Variants in ERBB4 observed in about 807,000 individuals in gnomAD.
ERBB4 encodes the protein erb-b2 receptor tyrosine kinase 4, also known as receptor tyrosine-protein kinase erbB-4.
Under a neutral mutation model 158.0 loss-of-function variants are expected in ERBB4, and 42 were observed. The observed-to-expected ratio is 0.27, with a 90% confidence interval of 0.21 to 0.34. The LOEUF (loss-of-function observed/expected upper bound fraction) is 0.34, where lower values mean the gene tolerates loss of function less well. ERBB4 is among the 10% of genes least tolerant of loss of function. The pLI is 1.00. For synonymous variants in ERBB4, 583 were observed against 558.7 expected (o/e 1.04, Z -0.61); for missense variants, 1,333 against 1,624.1 (o/e 0.82, Z 3.08).
chr2:211,648,914 G>C (rs1384717912), intron 16 of ERBB4, among the ~76,000 whole-genome samples: 1 of 151,782 alleles, frequency 6.6e-6, no homozygotes, highest in East Asian at 1.9e-4. Flanking sequence ...TTAGGAACAG[G>C]TGAAAGTTGT....
chr2:211,814,875 C>T lies in ERBB4; in HGVS notation c.422-26716G>A, dbSNP rs1341129338. On this transcript the variant is annotated intron_variant, in intron 3 of 27. Coordinates refer to ENST00000342788, the MANE Select transcript of ERBB4 (RefSeq NM_005235.3). ...GTTCCAGAGCCTGTGCTTACAGTTG[C>T]TATGGCACAGGACCTTAATTACATA... Among the ~76,000 whole-genome samples, 4 of 152,180 alleles carry T rather than the reference C, an allele frequency of 2.6e-5. No homozygotes were observed. The East Asian group carries it at 5.8e-4, about 22-fold the overall frequency.
intron 1 of ERBB4, among the ~76,000 whole-genome samples, chr2:212,369,165 A>G (rs567680975): frequency 6.6e-6 from 1 of 152,324 alleles, no homozygotes; most frequent in African/African-American, 2.4e-5. Context: ...GCCAAAATTA[A>G]AAGGAGGAAA....
intron 1 of ERBB4, among the ~76,000 whole-genome samples, chr2:212,536,365 G>A (rs1302400529): frequency 6.6e-6 from 1 of 152,134 alleles, no homozygotes; most frequent in East Asian, 1.9e-4. Flanking sequence ...GTTTCCAATG[G>A]ATCACCTTAG....
chr2:212,150,470 T>C (rs867381338), intron 1 of ERBB4, among the ~76,000 whole-genome samples: 1 of 152,180 alleles, frequency 6.6e-6, no homozygotes, highest in Non-Finnish European at 1.5e-5. Context: ...TACTAGAGGT[T>C]AGAACTTCAG....
At chr2:212,336,039 C>T (rs1445793416) in intron 1 of ERBB4, among the ~76,000 whole-genome samples, 1 of 151,936 alleles carries the variant, frequency 6.6e-6, no homozygotes. Flanking sequence ...TGTAGCATTT[C>T]TCACACTGCT....
At chr2:211,434,347 T>C (rs546146932) in intron 20 of ERBB4, among the ~76,000 whole-genome samples, 1 of 152,178 alleles carries the variant, frequency 6.6e-6, no homozygotes, top group East Asian at 1.9e-4. Flanking sequence ...GAAAAGTGAT[T>C]AGGTCATGAG....
At chr2:212,355,884 T>G (rs1032502744) in intron 1 of ERBB4, among the ~76,000 whole-genome samples, 2 of 151,996 alleles carry the variant, frequency 1.3e-5, no homozygotes, top group Admixed American at 1.3e-4. Flanking sequence ...ATCACCTATC[T>G]GTTCCCACCT....
chr2:212,210,127 T>C (rs538060761), intron 1 of ERBB4, among the ~76,000 whole-genome samples: 1 of 149,518 alleles, frequency 6.7e-6, no homozygotes, highest in African/African-American at 2.5e-5. Context: ...ATGTTGTGCA[T>C]AGATATGCAT....
chr2:211,425,013 G>A, intron 22 of ERBB4, among the ~76,000 whole-genome samples: 1 of 152,122 alleles, frequency 6.6e-6, no homozygotes, highest in East Asian at 1.9e-4. Context: ...TACCCTAAAT[G>A]GTAGCATGCA....
intron 3 of ERBB4, among the ~76,000 whole-genome samples, chr2:211,940,684 G>C (rs937607069): frequency 2.6e-5 from 4 of 152,258 alleles, no homozygotes; most frequent in African/African-American, 9.6e-5. Flanking sequence ...TATGCCCTGA[G>C]CAGATCATCT....
intron 3 of ERBB4, among the ~76,000 whole-genome samples, chr2:211,941,276 G>A (rs1575410568): frequency 6.7e-6 from 1 of 148,432 alleles, no homozygotes; most frequent in Non-Finnish European, 1.5e-5. Flanking sequence ...TTTTTTTGGC[G>A]GCAAATATCA....
intron 16 of ERBB4, among the ~76,000 whole-genome samples, chr2:211,653,180 T>C (rs796899154): frequency 1.1e-4 from 16 of 152,294 alleles, no homozygotes; most frequent in African/African-American, 3.8e-4. Flanking sequence ...ATACTATTTT[T>C]AAGGCACTTA....
At chr2:212,052,108 A>C (rs1021441006) in intron 2 of ERBB4, among the ~76,000 whole-genome samples, 1 of 152,228 alleles carries the variant, frequency 6.6e-6, no homozygotes, top group African/African-American at 2.4e-5. Flanking sequence ...GGTAGGCACC[A>C]TCTAATCAGC....
At chr2:212,367,626 G>T (rs1038546372) in intron 1 of ERBB4, among the ~76,000 whole-genome samples, 2 of 151,990 alleles carry the variant, frequency 1.3e-5, no homozygotes, top group Non-Finnish European at 2.9e-5. Flanking sequence ...ACAGCAAAAG[G>T]AACAGTCAGC....
intron 2 of ERBB4, among the ~76,000 whole-genome samples, chr2:212,119,780 CA>C (rs2079689529): frequency 6.6e-6 from 1 of 152,116 alleles, no homozygotes; most frequent in Non-Finnish European, 1.5e-5. Context: ...CAGAGATAAG[CA>C]TCAAGATTGC....
In ERBB4 at chr2:211,457,991, T is replaced by C. The variant is rs368883454; in HGVS notation, c.2488-26891A>G. ...CTGTTTCTTGGGGCTTTGCTACTTT[T>C]TGATTTTGGCAACCACTTGCACTGA... On this transcript the variant is annotated intron_variant, in intron 20 of 27. Transcript: ENST00000342788. Among the ~76,000 whole-genome samples, 33 of 149,974 alleles carry C rather than the reference T, an allele frequency of 2.2e-4. 1 individual carries two copies. The highest frequency in any genetic ancestry group is 8.1e-4 in the African/African-American group (33 of 40,536).
chr2:212,035,662 T>C (rs1358574140), intron 2 of ERBB4, among the ~76,000 whole-genome samples: 3 of 152,342 alleles, frequency 2.0e-5, no homozygotes, highest in South Asian at 4.1e-4. Flanking sequence ...GAATGTGTCA[T>C]GTACTTTCCT....
chr2:211,954,461 A>G (rs531879280), intron 2 of ERBB4, among the ~76,000 whole-genome samples: 3,445 of 152,188 alleles, frequency 0.023, 53 homozygotes, highest in Middle Eastern at 0.071. Context: ...TCAGTCAAAA[A>G]GATCCAAATT....
intron 2 of ERBB4, among the ~76,000 whole-genome samples, chr2:212,031,055 T>C (rs899320806): frequency 6.6e-6 from 1 of 152,146 alleles, no homozygotes; most frequent in Non-Finnish European, 1.5e-5. Context: ...TTAGACATGC[T>C]AGATATTTTA....
Sources: allele counts gnomAD v4.1 joint callset (sites outside exome capture counted in the v4.1 genomes callset), GRCh38; gene constraint gnomAD v4.1.1; transcripts MANE v1.5; gene names NCBI Gene and HGNC (gene_info 2026-07-23, HGNC 2026-07-21).